Variants in FBXL13 observed in about 807,000 individuals in gnomAD.
FBXL13 encodes F-box and leucine rich repeat protein 13.
A neutral mutation model predicts 83.6 loss-of-function variants in FBXL13; 67 were observed. The observed-to-expected ratio is 0.80, with a 90% CI of 0.66 to 0.98. FBXL13 has a LOEUF of 0.98. Ranked by LOEUF, FBXL13 falls within the 50% of genes least tolerant of loss-of-function variation. The pLI is 0.00. For synonymous variants in FBXL13, 272 were observed against 299.5 expected (o/e 0.91, Z 0.95); for missense variants, 822 against 866.5 (o/e 0.95, Z 0.64).
intron 1 of FBXL13, among the ~76,000 whole-genome samples, chr7:103,065,679 G>A (rs1798324582): frequency 6.6e-6 from 1 of 152,234 alleles, no homozygotes; most frequent in South Asian, 2.1e-4. Flanking sequence ...ACCCAAAGAT[G>A]AAATAACCTT....
intron 8 of FBXL13, among the ~76,000 whole-genome samples, chr7:102,941,314 G>C (rs111870147): frequency 4.9e-4 from 74 of 152,254 alleles, no homozygotes; most frequent in African/African-American, 1.7e-3. Flanking sequence ...CCAGGGTACA[G>C]GGTAAAGAAT....
In FBXL13 at chr7:102,891,003, A is replaced by G. The variant is rs114815738; in HGVS notation, c.1009-6691T>C. ...AAAGGAGCCTGACTTAGCAAGTAGA[A>G]TGAACTGTTGGAGAGAAAAACAAAG... is the stretch of plus-strand genomic sequence containing the variant. On this transcript the variant is annotated intron_variant, in intron 11 of 19. Coordinates refer to ENST00000313221, the Ensembl canonical transcript of FBXL13. Among the ~76,000 whole-genome samples, 253 of 152,356 alleles carry G rather than the reference A, an allele frequency of 1.7e-3. 1 individual carries two copies. The highest frequency in any genetic ancestry group is 5.8e-3 in the African/African-American group (241 of 41,586).
intron 6 of FBXL13, chr7:102,976,092 C>T (rs1827400708): frequency 1.3e-6 from 1 of 766,336 alleles, no homozygotes; most frequent in African/African-American, 1.7e-5. Flanking sequence ...AGGACCACCC[C>T]CATCCCTTCC....
At chr7:102,944,421 G>T (rs751791821) in intron 8 of FBXL13, 9 of 1,613,908 alleles carry the variant, frequency 5.6e-6, no homozygotes, top group Non-Finnish European at 6.8e-6. Context: ...AATGCAAAAC[G>T]CCTGAAGAAT....
At chr7:102,879,413 G>A (rs1432060708) in intron 14 of FBXL13, among the ~76,000 whole-genome samples, 1 of 151,174 alleles carries the variant, frequency 6.6e-6, no homozygotes, top group Non-Finnish European at 1.5e-5. Flanking sequence ...GGGGGAGTGT[G>A]CCAGCACCTA....
intron 8 of FBXL13, among the ~76,000 whole-genome samples, chr7:102,954,083 C>T (rs1823852286): frequency 6.6e-6 from 1 of 152,122 alleles, no homozygotes; most frequent in African/African-American, 2.4e-5. Context: ...ACTGGTTGGA[C>T]AGTGGGTGCA....
At chr7:103,034,091 CAG>C (rs1563250191) in intron 2 of FBXL13, among the ~76,000 whole-genome samples, 2 of 152,332 alleles carry the variant, frequency 1.3e-5, no homozygotes, top group South Asian at 4.1e-4. Context: ...GAGCTAGAGA[CAG>C]AGTGCTGATT....
rs768557508 is a variant in FBXL13, at chr7:103,025,074, C to T, written c.484G>A (p.Ala162Thr). Reference sequence around the variant, plus strand: ...GAATTCATACAAACCTGTAATATTGCTCTTTCAGGTAACAGTGAAATGTCA... The same window carrying T: ...GAATTCATACAAACCTGTAATATTGTTCTTTCAGGTAACAGTGAAATGTCA... The change falls in exon 6 of 20, where the codon GCA (alanine) becomes ACA (threonine). Residue 162 changes from alanine to threonine, a missense_variant. Physicochemically the swap from Ala to Thr is moderately conservative, Grantham distance 58. Coordinates refer to ENST00000313221, the Ensembl canonical transcript of FBXL13. The T allele has an allele frequency of 4.0e-5, 64 of 1,608,944 alleles. No individual in the cohort carries two copies. In the Admixed American group the frequency reaches 5.9e-4, roughly 15 times the overall value.
chr7:102,955,583 A>C (rs528091596), intron 8 of FBXL13, among the ~76,000 whole-genome samples: 3 of 151,968 alleles, frequency 2.0e-5, no homozygotes, highest in African/African-American at 4.8e-5. Flanking sequence ...TTCAAAAAAA[A>C]ACAATGAATC....
chr7:102,811,744 A>G (rs1797449572), downstream of FBXL13, among the ~76,000 whole-genome samples: 2 of 152,152 alleles, frequency 1.3e-5, no homozygotes, highest in African/African-American at 4.8e-5. Flanking sequence ...GCTGCCAGAA[A>G]TTTCCAAATT....
intron 11 of FBXL13, among the ~76,000 whole-genome samples, chr7:102,890,358 T>C (rs1811378271): frequency 6.6e-6 from 1 of 152,210 alleles, no homozygotes. Flanking sequence ...TTGGCTTCCA[T>C]TTTGACACCA....
chr7:102,940,237 G>C (rs1821145295), intron 8 of FBXL13, among the ~76,000 whole-genome samples: 1 of 136,084 alleles, frequency 7.3e-6, no homozygotes, highest in South Asian at 2.3e-4. Context: ...TTGAGATGGA[G>C]TCTAGCTCTG....
chr7:102,991,767 G>C (rs1829580467), intron 6 of FBXL13, among the ~76,000 whole-genome samples: 2 of 152,280 alleles, frequency 1.3e-5, no homozygotes, highest in African/African-American at 4.8e-5. Context: ...AATAAATTAG[G>C]TTCCACCAAC....
intron 8 of FBXL13, among the ~76,000 whole-genome samples, chr7:102,942,512 A>G (rs964134935): frequency 6.6e-6 from 1 of 152,226 alleles, no homozygotes; most frequent in African/African-American, 2.4e-5. Flanking sequence ...CTGAATATAT[A>G]TGGTTTAAAT....
chr7:102,938,243 A>C (rs1348190760), intron 8 of FBXL13, among the ~76,000 whole-genome samples: 1 of 152,192 alleles, frequency 6.6e-6, no homozygotes, highest in Non-Finnish European at 1.5e-5. Flanking sequence ...TTAAGGAGTT[A>C]TTTTACTTCT....
intron 6 of FBXL13, among the ~76,000 whole-genome samples, chr7:103,010,650 C>T (rs183679735): frequency 6.6e-6 from 1 of 151,954 alleles, no homozygotes; most frequent in African/African-American, 2.4e-5. Flanking sequence ...GAGTATGAAT[C>T]CCCCTGGGGG....
At chr7:102,996,513 G>A (rs1258717740) in intron 6 of FBXL13, among the ~76,000 whole-genome samples, 1 of 152,118 alleles carries the variant, frequency 6.6e-6, no homozygotes, top group Non-Finnish European at 1.5e-5. Context: ...AGATACTGAT[G>A]ACTGGTAGTT....
At chr7:102,915,978 T>A (rs1218778367) in intron 10 of FBXL13, among the ~76,000 whole-genome samples, 1 of 151,328 alleles carries the variant, frequency 6.6e-6, no homozygotes, top group Non-Finnish European at 1.5e-5. Flanking sequence ...TAGAGATGAG[T>A]TTCTTCTTTT....
chr7:103,053,807 A>G (rs78089599), intron 2 of FBXL13, among the ~76,000 whole-genome samples: 2,342 of 152,264 alleles, frequency 0.015, 65 homozygotes, highest in African/African-American at 0.054. Context: ...ATAAAGTACT[A>G]TAAAAACACC....
Sources: gnomAD v4.1 joint callset for allele counts (sites outside exome capture counted in the v4.1 genomes callset) on GRCh38, gnomAD v4.1.1 for gene constraint, MANE v1.5 for transcripts, NCBI Gene and HGNC (gene_info 2026-07-23, HGNC 2026-07-21) for gene names.